Variants in GLRA1 observed in about 807,000 individuals in gnomAD.
The protein encoded by GLRA1 is glycine receptor subunit alpha-1.
Under a neutral mutation model 48.3 loss-of-function variants are expected in GLRA1, and 37 were observed. The observed-to-expected ratio is 0.77, with a 90% CI of 0.59 to 1.01. The LOEUF is 1.01. Among genes scored for constraint, GLRA1 ranks in the 50% least tolerant of loss-of-function variants. The probability of loss-of-function intolerance (pLI) is 0.00; values close to 1 mark genes in which losing one functional copy is unlikely to be tolerated. For synonymous variants in GLRA1, 196 were observed against 210.7 expected (o/e 0.93, Z 0.60); for missense variants, 427 against 571.0 (o/e 0.75, Z 2.57).
intron 1 of GLRA1, among the ~76,000 whole-genome samples, chr5:151,906,349 G>A (rs1394446624): frequency 2.6e-5 from 4 of 152,156 alleles, no homozygotes; most frequent in African/African-American, 7.2e-5. Context: ...AGAAAAATCC[G>A]AAGACTGAAA....
intron 3 of GLRA1, among the ~76,000 whole-genome samples, chr5:151,867,174 A>T (rs1753360594): frequency 6.6e-6 from 1 of 152,178 alleles, no homozygotes; most frequent in African/African-American, 2.4e-5. Flanking sequence ...ATTAGAGATG[A>T]TTTCCAGCCA....
Position 151,849,030 on chromosome 5 carries a change from G to C in GLRA1, c.912+2360C>G, listed in dbSNP as rs571174734. The C allele has an allele frequency of 5.4e-4, 331 of 612,258 alleles. 1 individual carries two copies. The highest frequency in any genetic ancestry group is 9.0e-4 in the Non-Finnish European group (292 of 323,236). 37.9% of individuals were successfully genotyped at this position (612,258 alleles called of 1,614,324 possible). On this transcript the variant is annotated intron_variant, in intron 7 of 8. Coordinates refer to ENST00000274576, the MANE Select transcript of GLRA1 (RefSeq NM_000171.4). Reference sequence around the variant, plus strand: ...CGCTGCAAGACCCAGACTCTGGACAGTGAGCCCAACTGTGTGGAAGAGTTG... The same window carrying C: ...CGCTGCAAGACCCAGACTCTGGACACTGAGCCCAACTGTGTGGAAGAGTTG...
chr5:151,868,498 T>C (rs1753393699), intron 3 of GLRA1, among the ~76,000 whole-genome samples: 1 of 152,310 alleles, frequency 6.6e-6, no homozygotes, highest in East Asian at 1.9e-4. Context: ...CTCATGACAC[T>C]GCATAACTAG....
intron 3 of GLRA1, among the ~76,000 whole-genome samples, chr5:151,872,833 T>C (rs1753522727): frequency 6.7e-6 from 1 of 149,870 alleles, no homozygotes; most frequent in Admixed American, 6.6e-5. Context: ...AAGGTAGATC[T>C]ATATGTAGCC....
At chr5:151,841,671 A>G (rs895523225) in intron 7 of GLRA1, among the ~76,000 whole-genome samples, 1 of 152,204 alleles carries the variant, frequency 6.6e-6, no homozygotes, top group Non-Finnish European at 1.5e-5. Flanking sequence ...CAGAAATAAA[A>G]AGGATTATAA....
At chr5:151,862,262 C>T (rs1753227254) in intron 3 of GLRA1, among the ~76,000 whole-genome samples, 1 of 152,140 alleles carries the variant, frequency 6.6e-6, no homozygotes, top group South Asian at 2.1e-4. Context: ...CTTCCTTACA[C>T]CTTATACAAA....
chr5:151,916,851 T>G (rs1419437439), intron 1 of GLRA1, among the ~76,000 whole-genome samples: 2 of 152,084 alleles, frequency 1.3e-5, no homozygotes, highest in Non-Finnish European at 2.9e-5. Flanking sequence ...GAGCTTTTGG[T>G]GCACCAGGAC....
chr5:151,849,157 C>CT (rs375872785), intron 7 of GLRA1: 1 of 81,454 alleles, frequency 1.2e-5, no homozygotes, highest in Non-Finnish European at 2.3e-5. Context: ...TCTTTCTTTT[C>CT]TTTTCTTTTC....
intron 8 of GLRA1, among the ~76,000 whole-genome samples, chr5:151,823,609 C>T (rs1763199519): frequency 6.6e-6 from 1 of 152,186 alleles, no homozygotes; most frequent in African/African-American, 2.4e-5. Flanking sequence ...CCTCTACGTT[C>T]CCACATCCCT....
chr5:151,858,011 A>G (rs1464086387), intron 4 of GLRA1, among the ~76,000 whole-genome samples: 3 of 152,196 alleles, frequency 2.0e-5, no homozygotes, highest in South Asian at 4.1e-4. Context: ...TCTGAGTCCC[A>G]TGGTGGGGTT....
intron 1 of GLRA1, among the ~76,000 whole-genome samples, chr5:151,901,338 A>G (rs1474983019): frequency 6.6e-6 from 1 of 152,186 alleles, no homozygotes; most frequent in East Asian, 1.9e-4. Context: ...TCCTACGGTG[A>G]AAGAATGCTT....
At chr5:151,862,959 C>A (rs1753242999) in intron 3 of GLRA1, among the ~76,000 whole-genome samples, 1 of 152,192 alleles carries the variant, frequency 6.6e-6, no homozygotes, top group South Asian at 2.1e-4. Context: ...GTTCTGACTT[C>A]TAGCTGAGAG....
At chr5:151,924,454 A>AT in intron 1 of GLRA1, 40 bp downstream of exon 1, 1 of 1,264,996 alleles carries the variant, frequency 7.9e-7, no homozygotes, top group Non-Finnish European at 1.2e-6. Context: ...CTTTCCCCCC[A>AT]TTTCCATCAG....
At chr5:151,846,217 C>G (rs1005958738) in intron 7 of GLRA1, among the ~76,000 whole-genome samples, 69 of 152,050 alleles carry the variant, frequency 4.5e-4, no homozygotes, top group Non-Finnish European at 1.2e-4. Context: ...CTTAAAAAGG[C>G]AAATAAATAA....
intron 3 of GLRA1, 61 bp from the exon 4 acceptor site, chr5:151,860,069 G>A (rs1753156079): frequency 3.1e-6 from 4 of 1,308,712 alleles, no homozygotes; most frequent in South Asian, 2.4e-5. Context: ...AACTTTTGGA[G>A]GACCTGGGTG....
chr5:151,863,484 G>A (rs1753255452), intron 3 of GLRA1, among the ~76,000 whole-genome samples: 1 of 152,044 alleles, frequency 6.6e-6, no homozygotes, highest in Admixed American at 6.5e-5. Flanking sequence ...TTGTAAACCT[G>A]GAGTTCATGA....
In GLRA1 at chr5:151,859,958, C is replaced by T. The variant is rs763601365; in HGVS notation, c.303G>A (p.Leu101=). The T allele has an allele frequency of 1.1e-5, 17 of 1,614,090 alleles. No homozygotes were observed. Among genetic ancestry groups the T allele is most frequent in the Non-Finnish European group, 1.4e-5 (17 of 1,180,000 alleles). ...FLRQQWNDPR[L]AYNEYPDDSL... ...AGTCGTCAGGGTATTCATTATAGGCCAGGCGGGGGTCGTTCCATTGCTGCC... is the reference window on the plus strand; with the variant it reads ...AGTCGTCAGGGTATTCATTATAGGCTAGGCGGGGGTCGTTCCATTGCTGCC... The change falls in exon 4 of 9, where the codon CTG becomes CTA. Residue 101 remains leucine (L), a synonymous_variant. Coordinates refer to ENST00000274576, the MANE Select transcript of GLRA1 (RefSeq NM_000171.4).
intron 7 of GLRA1, chr5:151,850,053 C>A: frequency 6.2e-7 from 1 of 1,603,946 alleles, no homozygotes; most frequent in Non-Finnish European, 8.5e-7. Context: ...TGGTGAGCAA[C>A]CAGCACCCTG....
chr5:151,867,502 A>G (rs1015510823), intron 3 of GLRA1, among the ~76,000 whole-genome samples: 36 of 152,204 alleles, frequency 2.4e-4, no homozygotes, highest in African/African-American at 8.4e-4. Flanking sequence ...AGGGGCATTC[A>G]AACAGTTCAG....
Sources: gnomAD v4.1 joint callset for allele counts (sites outside exome capture counted in the v4.1 genomes callset) on GRCh38, gnomAD v4.1.1 for gene constraint, MANE v1.5 for transcripts, NCBI Gene and HGNC (gene_info 2026-07-23, HGNC 2026-07-21) for gene names.